The following GLYR1 variants were observed in gnomAD, a reference collection of about 807,000 sequenced individuals.
GLYR1 encodes cytokine-like nuclear factor N-PAC.
Under a neutral mutation model 72.7 loss-of-function variants are expected in GLYR1, and 21 were observed. That is an observed-to-expected ratio of 0.29 (90% CI 0.20 to 0.42). The LOEUF is 0.42. Among genes scored for constraint, GLYR1 ranks in the 10% least tolerant of loss-of-function variants. The pLI is 1.00. For missense variants in GLYR1, 594 were observed against 712.1 expected, an observed-to-expected ratio of 0.83 and a Z score of 1.89; for synonymous variants, 392 against 270.2, an observed-to-expected ratio of 1.45 and a Z score of -4.42.
chr16:4,811,982 CA>C, intron 13 of GLYR1, 103 bp downstream of exon 13: 1 of 1,486,870 alleles, frequency 6.7e-7, no homozygotes, highest in Non-Finnish European at 9.0e-7. Context: ...AAACCTTCCC[CA>C]GGGTCCCCGG....
chr16:4,826,294 T>C (rs1420488889), intron 5 of GLYR1, among the ~76,000 whole-genome samples: 2 of 152,224 alleles, frequency 1.3e-5, no homozygotes, highest in Non-Finnish European at 2.9e-5. Flanking sequence ...TTTGTTTTTA[T>C]AGGGTCTTGC....
At chr16:4,843,647 G>A in intron 3 of GLYR1, 4 of 1,288,092 alleles carry the variant, frequency 3.1e-6, no homozygotes, top group Non-Finnish European at 4.0e-6. Flanking sequence ...ATAAACTCCT[G>A]GATGAGTGAA....
chr16:4,819,353 G>T (rs931643324), intron 9 of GLYR1, among the ~76,000 whole-genome samples: 2 of 152,010 alleles, frequency 1.3e-5, no homozygotes, highest in Non-Finnish European at 2.9e-5. Flanking sequence ...TGTCTCCCAG[G>T]CTGGAGTGCA....
intron 3 of GLYR1, among the ~76,000 whole-genome samples, chr16:4,833,354 A>T (rs2084916984): frequency 6.6e-6 from 1 of 152,232 alleles, no homozygotes. Context: ...AGATGATAGC[A>T]GCATTACTAT....
chr16:4,826,502 C>T lies in GLYR1; in HGVS notation c.538-2595G>A, dbSNP rs377209519. On this transcript the variant is annotated intron_variant, in intron 5 of 15. Transcript: ENST00000321919. ...CTGGCCTACTCTACAACCCATGCTG[C>T]CATACAGTCCAGGTTCAATTCTTAC... Among the ~76,000 whole-genome samples, 10 of 152,318 alleles carry T rather than the reference C, an allele frequency of 6.6e-5. No individual in the cohort carries two copies. The East Asian group carries it at 1.2e-3, about 18-fold the overall frequency.
At chr16:4,842,996 G>A (rs1050230382) in intron 3 of GLYR1, among the ~76,000 whole-genome samples, 4 of 152,104 alleles carry the variant, frequency 2.6e-5, no homozygotes, top group South Asian at 2.1e-4. Flanking sequence ...CACCATGCCC[G>A]ACCATCATTG....
At chr16:4,835,580 T>C (rs111407108) in intron 3 of GLYR1, among the ~76,000 whole-genome samples, 3,426 of 152,156 alleles carry the variant, frequency 0.023, 121 homozygotes, top group African/African-American at 0.078. Context: ...CCTGTAATCC[T>C]AGCACTTTGG....
intron 3 of GLYR1, chr16:4,839,832 A>T (rs1055681355): frequency 6.6e-6 from 1 of 152,244 alleles, no homozygotes; most frequent in Non-Finnish European, 1.5e-5. Flanking sequence ...AAATATTAAA[A>T]AAGTATAACT....
At chr16:4,845,499 C>T (rs929433145) in intron 2 of GLYR1, among the ~76,000 whole-genome samples, 3 of 152,108 alleles carry the variant, frequency 2.0e-5, no homozygotes, top group African/African-American at 7.2e-5. Context: ...CCCACCACCC[C>T]ACCCCTGCTC....
chr16:4,822,987 C>T (rs2084137628), intron 6 of GLYR1, 56 bp from the exon 7 acceptor site: 1 of 1,445,790 alleles, frequency 6.9e-7, no homozygotes, highest in Admixed American at 1.7e-5. Flanking sequence ...AGGTCACTTC[C>T]TTCTCCCTGG....
intron 6 of GLYR1, 22 bp downstream of exon 6, chr16:4,823,799 T>A: frequency 6.3e-7 from 1 of 1,599,612 alleles, no homozygotes. Context: ...CAGCTTGTCC[T>A]GCCTGCAGGA....
chr16:4,827,880 A>ACAGCAC (rs1207935769), intron 5 of GLYR1, among the ~76,000 whole-genome samples: 2 of 151,870 alleles, frequency 1.3e-5, no homozygotes, highest in African/African-American at 2.4e-5. Flanking sequence ...AGCCTGGGCG[A>ACAGCAC]CAGCACGAGA....
chr16:4,829,420 C>G (rs2084641174), intron 5 of GLYR1, among the ~76,000 whole-genome samples: 1 of 151,720 alleles, frequency 6.6e-6, no homozygotes, highest in South Asian at 2.1e-4. Context: ...ATCCTCCCAC[C>G]CCAGCTTCCC....
chr16:4,823,825 C>T lies in GLYR1; in HGVS notation c.620G>A (p.Ser207Asn), dbSNP rs777984062. 1.7e-5 allele frequency: 27 copies of T among 1,613,832 alleles called. No homozygotes were observed. Among genetic ancestry groups the T allele is most frequent in the Admixed American group, 1.7e-5 (1 of 59,966 alleles). The part of the protein sequence containing the change: ...MAAFKWQPTA[S>N]EPVKDADPHF... Reference sequence around the variant, plus strand: ...GCCTGCAGGAGAGCTCCTTACCTCGCTTGCGGTTGGCTGCCATTTAAACGC... The same window carrying T: ...GCCTGCAGGAGAGCTCCTTACCTCGTTTGCGGTTGGCTGCCATTTAAACGC... Residue 207 changes from serine to asparagine, a missense_variant, in exon 6 of 16, where the codon AGC (serine) becomes AAC (asparagine). By Grantham distance (46) the Ser-to-Asn change is conservative. Around this residue, in one of 5 missense-constraint regions of GLYR1, gnomAD observed 252 missense variants for 211.3 expected, o/e 1.19. Transcript: ENST00000321919.
rs1314252569 is a variant in GLYR1 at position 4,847,036 on chromosome 16, C to T, written c.38+192G>A. ...TCAAAGCCGGTGCCCGACGTGGCCA[C>T]CCTCGGCCTCGGTCCCCCGGGACTG... is the stretch of plus-strand genomic sequence containing the variant. On this transcript the variant is annotated intron_variant, in intron 1 of 15. Transcript: ENST00000321919. The T allele has an allele frequency of 1.4e-5, 8 of 580,008 alleles. No homozygotes were observed. In the South Asian group the frequency reaches 1.5e-4, roughly 11 times the overall value. 35.9% of individuals were successfully genotyped at this position (580,008 alleles called of 1,614,324 possible).
In GLYR1 at chr16:4,804,448, G is replaced by A. The variant is rs1283701259; in HGVS notation, c.*788C>T. Reference sequence around the variant, plus strand: ...CCAAATACTAAAACAGCCTAGGGAGGAGCGAGCGCCCGCTGTGGCAGTGGC... The same window carrying A: ...CCAAATACTAAAACAGCCTAGGGAGAAGCGAGCGCCCGCTGTGGCAGTGGC... On this transcript the variant is annotated 3_prime_UTR_variant, in exon 16 of 16. Transcript: ENST00000321919. 1 of 153,006 alleles carries A rather than the reference G, an allele frequency of 6.5e-6. No homozygotes were observed. The highest frequency in any genetic ancestry group is 1.9e-4 in the East Asian group (1 of 5,192). 9.5% of individuals were successfully genotyped at this position (153,006 alleles called of 1,614,324 possible). A position where few individuals can be genotyped will look rare whatever the true frequency, so the allele number is the denominator to read the frequency against.
At chr16:4,841,885 G>A (rs572771330) in intron 3 of GLYR1, among the ~76,000 whole-genome samples, 1 of 152,126 alleles carries the variant, frequency 6.6e-6, no homozygotes, top group Non-Finnish European at 1.5e-5. Flanking sequence ...TATCCCCACT[G>A]TCTGAAATGC....
At chr16:4,815,136 T>A (rs2083557968) in intron 10 of GLYR1, among the ~76,000 whole-genome samples, 1 of 152,126 alleles carries the variant, frequency 6.6e-6, no homozygotes. Flanking sequence ...GACAAGGTTT[T>A]GCTCTGTCAC....
At chr16:4,830,105 A>AT (rs1344394907) in intron 5 of GLYR1, among the ~76,000 whole-genome samples, 3 of 150,398 alleles carry the variant, frequency 2.0e-5, no homozygotes, top group African/African-American at 2.5e-5. Context: ...TGCCTGGCCA[A>AT]TTTTTTAGTT....
Sources: gnomAD v4.1 joint callset for allele counts (sites outside exome capture counted in the v4.1 genomes callset) on GRCh38, gnomAD v4.1.1 for gene constraint, gnomAD v4.1.1 regional missense constraint, MANE v1.5 for transcripts, NCBI Gene and HGNC (gene_info 2026-07-23, HGNC 2026-07-21) for gene names.